The following GRM8 variants were observed in gnomAD, a reference collection of about 807,000 sequenced individuals.
GRM8 encodes metabotropic glutamate receptor 8.
In GRM8, 47 loss-of-function variants were observed where a neutral mutation model predicts 87.2. That is an observed-to-expected ratio of 0.54 (90% CI 0.43 to 0.69). The LOEUF (loss-of-function observed/expected upper bound fraction) is 0.69, where lower values mean the gene tolerates loss of function less well. Ranked by LOEUF, GRM8 falls within the 30% of genes least tolerant of loss-of-function variation. The pLI is 0.00. For missense variants in GRM8, 1,019 were observed against 1,139.2 expected (o/e 0.89, Z 1.52); for synonymous variants, 396 against 404.5 (o/e 0.98, Z 0.25).
intron 1 of GRM8, among the ~76,000 whole-genome samples, chr7:127,247,426 T>C (rs940481225): frequency 7.2e-5 from 11 of 152,256 alleles, no homozygotes; most frequent in African/African-American, 2.4e-4. Context: ...AGCATTCCTA[T>C]GCTGCATTCC....
At chr7:126,908,106 C>T (rs2131269087) in intron 3 of GRM8, among the ~76,000 whole-genome samples, 1 of 152,174 alleles carries the variant, frequency 6.6e-6, no homozygotes, top group Non-Finnish European at 1.5e-5. Flanking sequence ...GAATGTCAAA[C>T]TGAAAAAGTG....
chr7:127,121,127 G>C (rs944266506), intron 2 of GRM8, among the ~76,000 whole-genome samples: 1 of 152,184 alleles, frequency 6.6e-6, no homozygotes, highest in Non-Finnish European at 1.5e-5. Flanking sequence ...GGATAATTTA[G>C]TAAGATATTC....
At chr7:127,237,674 T>A (rs1798053875) in intron 2 of GRM8, among the ~76,000 whole-genome samples, 1 of 152,236 alleles carries the variant, frequency 6.6e-6, no homozygotes. Flanking sequence ...AAGTCTCATT[T>A]GATTGCTTTG....
chr7:126,560,469 A>G (rs1185638427), intron 8 of GRM8, among the ~76,000 whole-genome samples: 2 of 152,188 alleles, frequency 1.3e-5, no homozygotes, highest in Non-Finnish European at 2.9e-5. Flanking sequence ...ATTGTTATCT[A>G]TAAAAGAGTG....
chr7:126,533,828 C>T lies in GRM8; in HGVS notation c.1554G>A (p.Leu518=), dbSNP rs964708842. ...EHTHPASVCS[L]PCKPGERKKT... ...TCTTCCTCTCCCCTGGCTTACACGGCAGGCTGCAGACAGACGCCGGGTGAG... is the reference window on the plus strand; with the variant it reads ...TCTTCCTCTCCCCTGGCTTACACGGTAGGCTGCAGACAGACGCCGGGTGAG... The change falls in exon 9 of 11, where the codon CTG becomes CTA. Residue 518 remains leucine (L), a synonymous_variant. Transcript: ENST00000339582. 37 of 1,614,114 alleles carry T rather than the reference C, an allele frequency of 2.3e-5. No homozygotes were observed. The highest frequency in any genetic ancestry group is 3.1e-5 in the Non-Finnish European group (37 of 1,179,978).
intron 2 of GRM8, among the ~76,000 whole-genome samples, chr7:127,184,817 A>G (rs1001380135): frequency 6.6e-5 from 10 of 151,998 alleles, no homozygotes; most frequent in Admixed American, 6.6e-5. Context: ...ACAAAAGTCA[A>G]TTGCTCTTCT....
intron 2 of GRM8, among the ~76,000 whole-genome samples, chr7:127,156,869 A>G (rs1184327024): frequency 1.3e-5 from 2 of 152,218 alleles, no homozygotes; most frequent in African/African-American, 4.8e-5. Flanking sequence ...AAGAATATAA[A>G]GTTGAAACAA....
At chr7:127,204,672 T>A (rs371122706) in intron 2 of GRM8, among the ~76,000 whole-genome samples, 12 of 152,288 alleles carry the variant, frequency 7.9e-5, no homozygotes, top group African/African-American at 2.2e-4. Context: ...TTTTTTTTTT[T>A]TATAACATAT....
chr7:126,831,078 G>A (rs570795496), intron 6 of GRM8, among the ~76,000 whole-genome samples: 56 of 152,308 alleles, frequency 3.7e-4, no homozygotes, highest in Middle Eastern at 3.4e-3. Context: ...TGTCTCAGAG[G>A]AGTACCCGGC....
intron 2 of GRM8, among the ~76,000 whole-genome samples, chr7:127,186,665 T>C (rs756894932): frequency 6.6e-6 from 1 of 152,172 alleles, no homozygotes; most frequent in Non-Finnish European, 1.5e-5. Context: ...CTACCTAAAC[T>C]CTTACTGATA....
chr7:127,032,242 A>T (rs1433441968), intron 3 of GRM8, among the ~76,000 whole-genome samples: 1 of 152,164 alleles, frequency 6.6e-6, no homozygotes, highest in Non-Finnish European at 1.5e-5. Flanking sequence ...TGCTCATCCC[A>T]GGAACTTAAT....
chr7:126,663,593 C>G (rs775115457), intron 7 of GRM8, among the ~76,000 whole-genome samples: 19 of 152,112 alleles, frequency 1.2e-4, no homozygotes, highest in South Asian at 4.1e-4. Context: ...ATCTAACAAC[C>G]CTTCATGATA....
intron 9 of GRM8, among the ~76,000 whole-genome samples, chr7:126,500,872 T>G (rs1263867719): frequency 6.6e-6 from 1 of 152,002 alleles, no homozygotes; most frequent in Non-Finnish European, 1.5e-5. Flanking sequence ...ATTAACATAG[T>G]ATGAATGTTT....
At chr7:126,558,608 GCCTCATACAATGTA>G (rs1236034871) in intron 8 of GRM8, among the ~76,000 whole-genome samples, 3 of 152,120 alleles carry the variant, frequency 2.0e-5, no homozygotes, top group African/African-American at 7.2e-5. Context: ...TAATTACAAT[GCCTCATACAATGTA>G]AATTCTACGA....
At chr7:127,002,447 T>C (rs1357807356) in intron 3 of GRM8, among the ~76,000 whole-genome samples, 3 of 151,656 alleles carry the variant, frequency 2.0e-5, no homozygotes, top group Non-Finnish European at 4.4e-5. Context: ...GCAATGTACA[T>C]ATCCCAGATT....
At chr7:126,947,809 A>C (rs1807708479) in intron 3 of GRM8, among the ~76,000 whole-genome samples, 3 of 152,188 alleles carry the variant, frequency 2.0e-5, no homozygotes, top group Non-Finnish European at 4.4e-5. Context: ...TTTAGCCAGA[A>C]GCAAGCTGAA....
chr7:127,233,186 A>AAGGTAAC (rs991744151), intron 2 of GRM8, among the ~76,000 whole-genome samples: 1 of 152,192 alleles, frequency 6.6e-6, no homozygotes, highest in Non-Finnish European at 1.5e-5. Context: ...TATCTTGCTT[A>AAGGTAAC]AGGTAACACA....
intron 1 of GRM8, among the ~76,000 whole-genome samples, chr7:127,248,110 T>C (rs1381235807): frequency 1.3e-5 from 2 of 152,228 alleles, no homozygotes; most frequent in Non-Finnish European, 2.9e-5. Context: ...CCTTTATTTT[T>C]CCAATAACAC....
In GRM8 at chr7:126,487,828, T is replaced by TGA. The variant is rs1398172707; in HGVS notation, c.2431-41457_2431-41456insTC. Among the ~76,000 whole-genome samples, 182 of 152,202 alleles carry TGA rather than the reference T, an allele frequency of 1.2e-3. 1 individual carries two copies. The highest frequency in any genetic ancestry group is 9.1e-4 in the Non-Finnish European group (62 of 67,980). ...ATACATTTTCCAAAATTCTACTTTT[T>TGA]GCTTGAAAGCTCACATTTTATCATT... On this transcript the variant is annotated intron_variant, in intron 9 of 10. Coordinates refer to ENST00000339582, the MANE Select transcript of GRM8 (RefSeq NM_000845.3).
Sources: gnomAD v4.1 joint callset for allele counts (sites outside exome capture counted in the v4.1 genomes callset) on GRCh38, gnomAD v4.1.1 for gene constraint, MANE v1.5 for transcripts, NCBI Gene and HGNC (gene_info 2026-07-23, HGNC 2026-07-21) for gene names.